ASIC2: variants seen among roughly 807,000 people sequenced by gnomAD.
The protein encoded by ASIC2 is acid sensing ion channel subunit 2, also known as acid-sensing ion channel 2.
ASIC2 carries 25 observed loss-of-function variants against 57.3 expected under a neutral mutation model. The ratio of observed to expected loss-of-function variants is 0.44; its 90% CI spans 0.32 to 0.61. The LOEUF (loss-of-function observed/expected upper bound fraction) is 0.61. Among genes scored for constraint, ASIC2 ranks in the 20% least tolerant of loss-of-function variants. The pLI is 0.06. For synonymous variants in ASIC2, 319 were observed against 307.5 expected, an observed-to-expected ratio of 1.04 and a Z score of -0.39; for missense variants, 641 against 738.1, an observed-to-expected ratio of 0.87 and a Z score of 1.52.
At chr17:33,592,350 G>A (rs1904853623) in intron 1 of ASIC2, among the ~76,000 whole-genome samples, 1 of 152,216 alleles carries the variant, frequency 6.6e-6, no homozygotes, top group Admixed American at 6.5e-5. Context: ...CTAGCTGCCG[G>A]AGCCTTCTCT....
At chr17:34,054,215 T>C (rs939606421) in intron 1 of ASIC2, among the ~76,000 whole-genome samples, 1 of 152,266 alleles carries the variant, frequency 6.6e-6, no homozygotes, top group Non-Finnish European at 1.5e-5. Context: ...TCATAATCAG[T>C]GTTTTCATTA....
chr17:33,337,687 C>T (rs1450267999), intron 1 of ASIC2, among the ~76,000 whole-genome samples: 2 of 152,160 alleles, frequency 1.3e-5, no homozygotes, highest in East Asian at 3.9e-4. Context: ...AGATGTTTCT[C>T]TGAGATGTTC....
intron 1 of ASIC2, among the ~76,000 whole-genome samples, chr17:33,556,783 C>A (rs1345074977): frequency 2.0e-5 from 3 of 152,160 alleles, no homozygotes; most frequent in Non-Finnish European, 4.4e-5. Context: ...TTTCCATCTG[C>A]CCTTTAGTTA....
chr17:33,356,909 C>T (rs540968235), intron 1 of ASIC2, among the ~76,000 whole-genome samples: 50 of 120,692 alleles, frequency 4.1e-4, no homozygotes, highest in East Asian at 1.5e-3. Flanking sequence ...ATCTCCAGAA[C>T]GTCCCAACCT....
chr17:34,095,718 TATAG>T (rs1246102479), intron 1 of ASIC2, among the ~76,000 whole-genome samples: 1 of 143,548 alleles, frequency 7.0e-6, no homozygotes, highest in Non-Finnish European at 1.5e-5. Flanking sequence ...TAATTTTATA[TATAG>T]AGAGATATAT....
chr17:33,725,577 C>T (rs534993590), intron 1 of ASIC2, among the ~76,000 whole-genome samples: 17 of 152,118 alleles, frequency 1.1e-4, no homozygotes, highest in Non-Finnish European at 2.1e-4. Context: ...TAGAAGAGGT[C>T]AAGATCACGT....
At chr17:33,737,481 A>C (rs1262820722) in intron 1 of ASIC2, among the ~76,000 whole-genome samples, 1 of 152,272 alleles carries the variant, frequency 6.6e-6, no homozygotes. Flanking sequence ...TGAACGGATT[A>C]GAAATATTTT....
intron 1 of ASIC2, among the ~76,000 whole-genome samples, chr17:34,133,605 C>T (rs1010725522): frequency 9.2e-5 from 14 of 152,226 alleles, no homozygotes; most frequent in South Asian, 2.1e-4. Flanking sequence ...GAGGAGCCTT[C>T]GTAGGGCCTG....
At chr17:33,351,537 T>G (rs1333469009) in intron 1 of ASIC2, among the ~76,000 whole-genome samples, 1 of 152,128 alleles carries the variant, frequency 6.6e-6, no homozygotes, top group East Asian at 1.9e-4. Context: ...TGGGCACTTT[T>G]CTCCATGGGA....
At chr17:33,490,359 A>T (rs939738270) in intron 1 of ASIC2, among the ~76,000 whole-genome samples, 1 of 152,256 alleles carries the variant, frequency 6.6e-6, no homozygotes, top group African/African-American at 2.4e-5. Flanking sequence ...TTTTTAACTC[A>T]TCACTTTCCA....
At chr17:33,437,589 G>A (rs576365547) in intron 1 of ASIC2, among the ~76,000 whole-genome samples, 15 of 152,118 alleles carry the variant, frequency 9.9e-5, no homozygotes, top group African/African-American at 3.6e-4. Context: ...ATCACTTGAG[G>A]TCAGGAGCTC....
intron 1 of ASIC2, among the ~76,000 whole-genome samples, chr17:33,383,876 T>G (rs537554418): frequency 2.0e-5 from 3 of 152,154 alleles, no homozygotes. Context: ...AGAAACTAAC[T>G]GCACAGGGAG....
chr17:33,525,675 C>G (rs79082348), intron 1 of ASIC2, among the ~76,000 whole-genome samples: 1 of 152,218 alleles, frequency 6.6e-6, no homozygotes, highest in Non-Finnish European at 1.5e-5. Context: ...TGACCAGCTC[C>G]CACAATAGCA....
At chr17:34,079,658 T>C (rs1909804102) in intron 1 of ASIC2, among the ~76,000 whole-genome samples, 1 of 152,300 alleles carries the variant, frequency 6.6e-6, no homozygotes, top group South Asian at 2.1e-4. Flanking sequence ...GACACCCAAA[T>C]AGGTGATTTA....
chr17:33,877,745 G>C (rs569027155), intron 1 of ASIC2, among the ~76,000 whole-genome samples: 402 of 152,364 alleles, frequency 2.6e-3, no homozygotes, highest in African/African-American at 9.2e-3. Context: ...CTGTATGACA[G>C]CTTTGAAGAG....
In ASIC2 at chr17:33,292,524, C is replaced by G; in HGVS notation, c.-409G>C. On this transcript the variant is annotated 5_prime_UTR_variant, in exon 1 of 10. Coordinates refer to ENST00000225823, the MANE Select transcript of ASIC2 (RefSeq NM_183377.2). Reference sequence around the variant, plus strand: ...CGGGGGACCCTGAGCCGAGTCCCCCCTGCCCCGCCTAACCCCAGCTTTTAC... The same window carrying G: ...CGGGGGACCCTGAGCCGAGTCCCCCGTGCCCCGCCTAACCCCAGCTTTTAC... 3.0e-6 allele frequency: 3 copies of G among 985,900 alleles called. No homozygotes were observed. Among genetic ancestry groups the G allele is most frequent in the Non-Finnish European group, 3.6e-6 (3 of 830,360 alleles). 61.1% of individuals were successfully genotyped at this position (985,900 alleles called of 1,614,324 possible). A position where few individuals can be genotyped will look rare whatever the true frequency, so the allele number is the denominator to read the frequency against.
chr17:33,332,969 C>G (rs1442666435), intron 1 of ASIC2, among the ~76,000 whole-genome samples: 3 of 152,160 alleles, frequency 2.0e-5, no homozygotes, highest in East Asian at 3.9e-4. Context: ...GAGGCCTTCT[C>G]TCATTGAATT....
chr17:34,140,972 A>G (rs990081661), intron 1 of ASIC2, among the ~76,000 whole-genome samples: 8 of 152,200 alleles, frequency 5.3e-5, no homozygotes, highest in Admixed American at 5.2e-4. Flanking sequence ...AGACACCTTC[A>G]TCAAGTGATA....
chr17:33,399,178 G>A (rs1260117462), intron 1 of ASIC2, among the ~76,000 whole-genome samples: 2 of 152,136 alleles, frequency 1.3e-5, no homozygotes, highest in Non-Finnish European at 2.9e-5. Context: ...GCTTTCCTGG[G>A]CCTTGAGTTC....
Sources: allele counts gnomAD v4.1 joint callset (sites outside exome capture counted in the v4.1 genomes callset), GRCh38; gene constraint gnomAD v4.1.1; transcripts MANE v1.5; gene names NCBI Gene and HGNC (gene_info 2026-07-23, HGNC 2026-07-21).